The following TNNI3K variants were observed in gnomAD, a reference collection of about 807,000 sequenced individuals.
The protein encoded by TNNI3K is TNNI3 interacting kinase, also known as serine/threonine-protein kinase TNNI3K.
TNNI3K carries 140 observed loss-of-function variants against 114.5 expected under a neutral mutation model. The ratio of observed to expected loss-of-function variants is 1.22; its 90% CI spans 1.07 to 1.41. The LOEUF is 1.41. TNNI3K is among the 40% of genes most tolerant of loss of function. The pLI, the probability that TNNI3K is intolerant of heterozygous loss-of-function variation, is 0.00. For synonymous variants in TNNI3K, 347 were observed against 347.5 expected, an observed-to-expected ratio of 1.00 and a Z score of 0.02; for missense variants, 1,125 against 1,007.6, an observed-to-expected ratio of 1.12 and a Z score of -1.58.
intron 24 of TNNI3K, chr1:74,541,511 A>G (rs950935068): frequency 1.3e-5 from 2 of 152,166 alleles, no homozygotes; most frequent in African/African-American, 2.4e-5. Flanking sequence ...TAATAGACAT[A>G]ATATCTTTTC....
At chr1:74,427,290 G>T (rs1665684019) in intron 17 of TNNI3K, among the ~76,000 whole-genome samples, 1 of 112,132 alleles carries the variant, frequency 8.9e-6, no homozygotes. Flanking sequence ...TAGTTAAAGA[G>T]CAAAAGTTGG....
At chr1:74,297,706 A>G (rs990602948) in intron 5 of TNNI3K, among the ~76,000 whole-genome samples, 20 of 152,110 alleles carry the variant, frequency 1.3e-4, no homozygotes, top group Admixed American at 1.1e-3. Context: ...GGGTTTTCTC[A>G]TAGCATGTCA....
intron 23 of TNNI3K, among the ~76,000 whole-genome samples, chr1:74,518,915 G>A (rs1646391002): frequency 1.3e-5 from 1 of 79,512 alleles, no homozygotes; most frequent in African/African-American, 8.1e-5. Context: ...AAGTTTTAGG[G>A]TACATGTGCA....
At chr1:74,402,919 G>A (rs1237805774) in intron 17 of TNNI3K, among the ~76,000 whole-genome samples, 1 of 152,012 alleles carries the variant, frequency 6.6e-6, no homozygotes, top group Non-Finnish European at 1.5e-5. Flanking sequence ...TGTATTTTAT[G>A]TGTGGCCCAA....
At chr1:74,349,333 G>A (rs1661199247) in intron 9 of TNNI3K, among the ~76,000 whole-genome samples, 2 of 152,162 alleles carry the variant, frequency 1.3e-5, no homozygotes, top group Non-Finnish European at 2.9e-5. Flanking sequence ...ACTTGATCAT[G>A]GTGGATAAGC....
chr1:74,235,533 G>A (rs1460675063), intron 1 of TNNI3K, 42 bp downstream of exon 1: 1 of 1,110,788 alleles, frequency 9.0e-7, no homozygotes. Context: ...GTGTAATATG[G>A]TTCAATTATA....
chr1:74,439,683 T>G (rs1051221327), intron 20 of TNNI3K, 61 bp downstream of exon 20: 2 of 1,587,642 alleles, frequency 1.3e-6, no homozygotes, highest in African/African-American at 2.7e-5. Flanking sequence ...TTTTATAACT[T>G]CAAGAAAATT....
intron 19 of TNNI3K, 73 bp downstream of exon 19, chr1:74,436,599 G>A: frequency 6.8e-7 from 1 of 1,475,274 alleles, no homozygotes. Flanking sequence ...GAGGACGTAA[G>A]ATGAGAGCAG....
chr1:74,457,436 A>G (rs1667271640), intron 20 of TNNI3K, among the ~76,000 whole-genome samples: 1 of 152,138 alleles, frequency 6.6e-6, no homozygotes, highest in South Asian at 2.1e-4. Context: ...CTCAGATGCT[A>G]TACACTCTGG....
intron 19 of TNNI3K, among the ~76,000 whole-genome samples, chr1:74,436,789 G>A (rs571386116): frequency 1.3e-5 from 2 of 152,076 alleles, no homozygotes; most frequent in Non-Finnish European, 2.9e-5. Context: ...TGAAAAGAAC[G>A]TTGTGGGCAT....
At chr1:74,465,164 T>C (rs902397892) in intron 21 of TNNI3K, among the ~76,000 whole-genome samples, 2 of 152,338 alleles carry the variant, frequency 1.3e-5, no homozygotes, top group Admixed American at 6.5e-5. Context: ...CTTGGCCTCG[T>C]AGTCCACTCT....
chr1:74,402,285 T>G (rs189057308), intron 17 of TNNI3K, among the ~76,000 whole-genome samples: 1 of 152,302 alleles, frequency 6.6e-6, no homozygotes, highest in African/African-American at 2.4e-5. Context: ...GTGATTATAC[T>G]GCTCTTCTTT....
At chr1:74,528,371 T>C (rs893131742) in intron 23 of TNNI3K, among the ~76,000 whole-genome samples, 1 of 151,964 alleles carries the variant, frequency 6.6e-6, no homozygotes, top group Admixed American at 6.6e-5. Context: ...CGGACCCACT[T>C]GGGGCAGGCA....
At chr1:74,241,975 A>G (rs1399423736) in intron 2 of TNNI3K, among the ~76,000 whole-genome samples, 1 of 150,878 alleles carries the variant, frequency 6.6e-6, no homozygotes, top group Admixed American at 6.6e-5. Context: ...TCAGCCTCCC[A>G]AGTAGCTGGG....
At chr1:74,506,724 C>G (rs1397047185) in intron 23 of TNNI3K, among the ~76,000 whole-genome samples, 1 of 152,160 alleles carries the variant, frequency 6.6e-6, no homozygotes, top group Non-Finnish European at 1.5e-5. Context: ...ATACAGTAAC[C>G]AATCTCTGGG....
chr1:74,346,489 A>G (rs1231894033), intron 9 of TNNI3K, among the ~76,000 whole-genome samples: 2 of 152,056 alleles, frequency 1.3e-5, no homozygotes, highest in Admixed American at 6.6e-5. Flanking sequence ...TTGATAAAAA[A>G]CACTGGAAAT....
intron 20 of TNNI3K, among the ~76,000 whole-genome samples, chr1:74,443,708 A>G (rs1399878506): frequency 4.6e-5 from 7 of 152,200 alleles, no homozygotes; most frequent in African/African-American, 1.4e-4. Context: ...TACAACAAAA[A>G]AAGAAAACTT....
chr1:74,236,531 T>C (rs528193694), intron 2 of TNNI3K, among the ~76,000 whole-genome samples: 2 of 151,960 alleles, frequency 1.3e-5, no homozygotes, highest in East Asian at 1.9e-4. Context: ...TTGTAAACCA[T>C]GCCGGCAATG....
intron 20 of TNNI3K, among the ~76,000 whole-genome samples, chr1:74,459,159 A>C (rs902332140): frequency 6.6e-6 from 1 of 152,224 alleles, no homozygotes; most frequent in African/African-American, 2.4e-5. Context: ...CTATATGGCC[A>C]TAAAAAGAAC....
Sources: allele counts gnomAD v4.1 joint callset (sites outside exome capture counted in the v4.1 genomes callset), GRCh38; gene constraint gnomAD v4.1.1; transcripts MANE v1.5; gene names NCBI Gene and HGNC (gene_info 2026-07-23, HGNC 2026-07-21).